PNLDC1: variants seen among roughly 807,000 people sequenced by gnomAD.
The protein encoded by PNLDC1 is poly(A)-specific ribonuclease PNLDC1.
Under a neutral mutation model 82.0 loss-of-function variants are expected in PNLDC1, and 70 were observed. The observed-to-expected ratio is 0.85, with a 90% CI of 0.70 to 1.04. PNLDC1 has a LOEUF of 1.04. Ranked by LOEUF, PNLDC1 falls within the 50% of genes least tolerant of loss-of-function variation. The pLI is 0.00. For missense variants in PNLDC1, 631 were observed against 661.1 expected, an observed-to-expected ratio of 0.95 and a Z score of 0.50; for synonymous variants, 280 against 249.3, an observed-to-expected ratio of 1.12 and a Z score of -1.16.
upstream of PNLDC1, chr6:159,800,234 G>A: frequency 2.1e-6 from 3 of 1,426,210 alleles, no homozygotes; most frequent in East Asian, 5.1e-5. Flanking sequence ...AGACCCGGCG[G>A]CGCGACGGAA....
At chr6:159,803,706 C>T (rs1367267596) in intron 4 of PNLDC1, among the ~76,000 whole-genome samples, 1 of 152,142 alleles carries the variant, frequency 6.6e-6, no homozygotes, top group Admixed American at 6.5e-5. Flanking sequence ...AGGGTGCCAG[C>T]CTGCACGCCC....
At chr6:159,800,943 C>A in intron 2 of PNLDC1, 114 bp downstream of exon 2, 2 of 1,503,266 alleles carry the variant, frequency 1.3e-6, no homozygotes, top group Non-Finnish European at 1.8e-6. Context: ...CTTGCTCCTA[C>A]GTGTTGGAGG....
rs746272876 is a variant in PNLDC1 at position 159,818,934 on chromosome 6, C to T, written c.1258-12C>T. 2 of 1,612,710 alleles carry T rather than the reference C, an allele frequency of 1.2e-6. No individual in the cohort carries two copies. Among genetic ancestry groups the T allele is most frequent in the Non-Finnish European group, 8.5e-7 (1 of 1,179,138 alleles). On this transcript the variant is annotated splice_polypyrimidine_tract_variant and intron_variant, in intron 16 of 18. Coordinates refer to ENST00000392167, the MANE Select transcript of PNLDC1 (RefSeq NM_001271862.2). ...ACTGTGGAAAATCTCTTGTGTTCTG[C>T]ATGTTTTCTAGAATTTTTCTGGTCC...
intron 16 of PNLDC1, 37 bp downstream of exon 16, chr6:159,818,691 G>C: frequency 6.3e-7 from 1 of 1,576,672 alleles, no homozygotes; most frequent in Non-Finnish European, 8.7e-7. Flanking sequence ...GCCCCATTCA[G>C]AGTTCAGAGG....
chr6:159,800,621 C>T (rs1562494402), intron 1 of PNLDC1, 151 bp from the exon 2 acceptor site: 2 of 1,590,260 alleles, frequency 1.3e-6, no homozygotes, highest in Non-Finnish European at 1.7e-6. Context: ...CTGCTCCTTG[C>T]CTTGGTTCCT....
intron 7 of PNLDC1, among the ~76,000 whole-genome samples, chr6:159,806,589 A>G (rs1388988648): frequency 5.9e-5 from 9 of 152,210 alleles, no homozygotes; most frequent in Non-Finnish European, 1.0e-4. Flanking sequence ...GCGATGTCGG[A>G]CAAAGCTGCT....
intron 11 of PNLDC1, among the ~76,000 whole-genome samples, chr6:159,812,099 ACCATGTTAG>A (rs1781666502): frequency 6.6e-6 from 1 of 151,932 alleles, no homozygotes; most frequent in Admixed American, 6.6e-5. Flanking sequence ...ACGGGGTTTC[ACCATGTTAG>A]CCAGGATCGT....
intron 11 of PNLDC1, among the ~76,000 whole-genome samples, chr6:159,812,539 A>G (rs1486579660): frequency 6.6e-6 from 1 of 152,174 alleles, no homozygotes; most frequent in African/African-American, 2.4e-5. Context: ...CTCAGTCCTG[A>G]AAACATGTTG....
Position 159,811,642 on chromosome 6 carries a change from C to T in PNLDC1, c.854-59C>T, listed in dbSNP as rs189072629. The T allele has an allele frequency of 5.9e-6, 8 of 1,360,322 alleles. No homozygotes were observed. The East Asian group carries it at 1.6e-4, about 27-fold the overall frequency. The allele number at this position is 1,360,322 out of a possible 1,614,324, so 84.3% of individuals were successfully genotyped here. ...GTGGCAAGCTAGGTTCAAGAATGTT[C>T]CTTCCCATTTTTGCCAACAAACAAA... On this transcript the variant is annotated intron_variant, in intron 10 of 18. Coordinates refer to ENST00000392167, the MANE Select transcript of PNLDC1 (RefSeq NM_001271862.2).
chr6:159,805,823 A>G (rs77814130), intron 6 of PNLDC1, 160 bp from the exon 7 acceptor site: 6,387 of 622,364 alleles, frequency 0.01, 91 homozygotes, highest in Middle Eastern at 0.043. Flanking sequence ...TTCCTATTGC[A>G]TAAGAGCCTC....
In PNLDC1 at chr6:159,800,739, C is replaced by G. The variant is rs377171718; in HGVS notation, c.77-33C>G. 5.2e-4 allele frequency: 843 copies of G among 1,614,226 alleles called. 12 individuals are homozygous for G. In the South Asian group the frequency reaches 8.0e-3, roughly 15 times the overall value. On this transcript the variant is annotated intron_variant, in intron 1 of 18. Coordinates refer to ENST00000392167, the MANE Select transcript of PNLDC1 (RefSeq NM_001271862.2). ...TGAGGAGTGCTGGCGATGTTCTGCA[C>G]CCGAGGACTGCTATTTTTTGCCTTC...
In PNLDC1 at chr6:159,820,602, G is replaced by C; in HGVS notation, c.*85G>C. The C allele has an allele frequency of 7.9e-7, 1 of 1,271,618 alleles. No individual in the cohort carries two copies. The highest frequency in any genetic ancestry group is 1.1e-6 in the Non-Finnish European group (1 of 873,418). The allele number at this position is 1,271,618 out of a possible 1,614,324, so 78.8% of individuals were successfully genotyped here. A position where few individuals can be genotyped will look rare whatever the true frequency, so the allele number is the denominator to read the frequency against. On this transcript the variant is annotated 3_prime_UTR_variant, in exon 19 of 19. Transcript: ENST00000392167. ...GGTGTGTTCGTGTAAATCAGATTCT[G>C]TTTGCAGATGGATCTGTTTGGTCTT...
intron 2 of PNLDC1, 85 bp downstream of exon 2, chr6:159,800,914 G>A: frequency 1.3e-6 from 2 of 1,594,344 alleles, no homozygotes; most frequent in Non-Finnish European, 8.6e-7. Context: ...GCATTTGGGG[G>A]GCAGGACGTT....
In PNLDC1 at chr6:159,820,424, C is replaced by T. The variant is rs370045984; in HGVS notation, c.1533-30C>T. On this transcript the variant is annotated intron_variant, in intron 18 of 18. Coordinates refer to ENST00000392167, the MANE Select transcript of PNLDC1 (RefSeq NM_001271862.2). ...GTGCCTCTCGGCCTGCTGGGTGCCCCGGCCACTGACACGTGTCATTGTCTT... is the reference window on the plus strand; with the variant it reads ...GTGCCTCTCGGCCTGCTGGGTGCCCTGGCCACTGACACGTGTCATTGTCTT... 3.0e-5 allele frequency: 48 copies of T among 1,612,690 alleles called. 1 individual carries two copies. The South Asian group carries it at 3.2e-4, about 11-fold the overall frequency.
At position 159,819,153 on chromosome 6, in the gene PNLDC1, C is replaced by G; in HGVS notation, c.1433+32C>G. Reference sequence around the variant, plus strand: ...GCCTCTAAGTCCGCGTCCCCCACCCCTCGTGCGTTCATCCCTGTATCTCTC... The same window carrying G: ...GCCTCTAAGTCCGCGTCCCCCACCCGTCGTGCGTTCATCCCTGTATCTCTC... On this transcript the variant is annotated intron_variant, in intron 17 of 18. Transcript: ENST00000392167. The surrounding 1 kb of genome is among the most constrained non-coding windows in gnomAD (Gnocchi z 4.6). 6.2e-7 allele frequency: 1 copy of G among 1,611,034 alleles called. No homozygotes were observed. The highest frequency in any genetic ancestry group is 8.5e-7 in the Non-Finnish European group (1 of 1,177,816).
chr6:159,815,995 G>GTGA lies in PNLDC1; in HGVS notation c.1022_1023insTGA (p.Gly341_Pro342insGlu). 5 of 1,613,126 alleles carry GTGA rather than the reference G, an allele frequency of 3.1e-6. No homozygotes were observed. The highest frequency in any genetic ancestry group is 4.2e-6 in the Non-Finnish European group (5 of 1,179,726). ...GACTTGAATCCCACCAAGAATTCTG[G>GTGA]ACCAGAGATTGTTCACGCGAGCAGG... On this transcript the variant is annotated inframe_insertion, in exon 13 of 19. Transcript: ENST00000392167.
intron 10 of PNLDC1, 107 bp downstream of exon 10, chr6:159,810,202 C>G (rs1203562125): frequency 2.1e-6 from 2 of 967,972 alleles, no homozygotes; most frequent in Admixed American, 2.0e-5. Flanking sequence ...GCCCATTCCT[C>G]CCCAGTGTCT....
intron 12 of PNLDC1, among the ~76,000 whole-genome samples, chr6:159,815,507 C>T (rs1363750069): frequency 2.6e-5 from 4 of 152,326 alleles, no homozygotes; most frequent in Non-Finnish European, 4.4e-5. Flanking sequence ...GCTCGAAATG[C>T]CTGCCGTCTC....
chr6:159,806,515 G>C (rs1424515310), intron 7 of PNLDC1, among the ~76,000 whole-genome samples: 1 of 152,110 alleles, frequency 6.6e-6, no homozygotes, highest in African/African-American at 2.4e-5. Context: ...AGGTCAAAAC[G>C]GTTTTCCAAG....
Sources: allele counts gnomAD v4.1 joint callset (sites outside exome capture counted in the v4.1 genomes callset), GRCh38; gene constraint gnomAD v4.1.1; non-coding constraint Gnocchi (gnomAD v3.1); transcripts MANE v1.5; gene names NCBI Gene and HGNC (gene_info 2026-07-23, HGNC 2026-07-21).